AREL1: variants seen among roughly 807,000 people sequenced by gnomAD.
AREL1 encodes apoptosis resistant E3 ubiquitin protein ligase 1, also known as apoptosis-resistant E3 ubiquitin protein ligase 1.
A neutral mutation model predicts 99.0 loss-of-function variants in AREL1; 62 were observed. The observed-to-expected ratio is 0.63, with a 90% CI of 0.51 to 0.77. The LOEUF is 0.77. AREL1 is among the 30% of genes least tolerant of loss of function. AREL1 has a pLI of 0.00. For missense variants in AREL1, 879 were observed against 1,027.6 expected (o/e 0.86, Z 1.98); for synonymous variants, 380 against 376.5 (o/e 1.01, Z -0.11).
Position 74,663,227 on chromosome 14 carries a change from C to A in AREL1, c.*493G>T. 4.8e-6 allele frequency: 1 copy of A among 206,246 alleles called. No individual in the cohort carries two copies. The allele number at this position is 206,246 out of a possible 1,614,324, so 12.8% of individuals were successfully genotyped here. A position where few individuals can be genotyped will look rare whatever the true frequency, so the allele number is the denominator to read the frequency against. ...CCTATGGGCCACCTCCTATCTGTCCCCCTCTCTCCTGGCTCCTGATGAGAA... is the reference window on the plus strand; with the variant it reads ...CCTATGGGCCACCTCCTATCTGTCCACCTCTCTCCTGGCTCCTGATGAGAA... On this transcript the variant is annotated 3_prime_UTR_variant, in exon 20 of 20. Transcript: ENST00000356357.
intron 13 of AREL1, chr14:74,670,548 A>G: frequency 3.8e-6 from 2 of 532,910 alleles, no homozygotes; most frequent in Non-Finnish European, 6.7e-6. Context: ...TTTTTAGTCA[A>G]ATATTCAGCT....
rs149405811 is a variant in AREL1 at position 74,698,884 on chromosome 14, TGTG to T, written c.-333-6559_-333-6557del. On this transcript the variant is annotated intron_variant, in intron 1 of 19. Transcript: ENST00000356357. ...AAAAAAAAAAAAAAAAAAAGCTGGGTGTGGTGGTATGCACCTATGGTCCCAGCT... is the reference window on the plus strand; with the variant it reads ...AAAAAAAAAAAAAAAAAAAGCTGGGTGTGGTATGCACCTATGGTCCCAGCT... 2.6e-3 allele frequency: 399 copies of T among 153,432 alleles called. 6 individuals are homozygous for T. The East Asian group carries it at 0.055, about 21-fold the overall frequency. The allele number at this position is 153,432 out of a possible 1,614,324, so 9.5% of individuals were successfully genotyped here.
chr14:74,692,837 G>A (rs762935905), intron 1 of AREL1, among the ~76,000 whole-genome samples: 6 of 152,116 alleles, frequency 3.9e-5, no homozygotes, highest in Non-Finnish European at 5.9e-5. Flanking sequence ...CCAAGTAGCT[G>A]GGACTACAGG....
chr14:74,677,456 A>G (rs1305543774), intron 5 of AREL1, among the ~76,000 whole-genome samples: 1 of 146,238 alleles, frequency 6.8e-6, no homozygotes, highest in Non-Finnish European at 1.5e-5. Context: ...TGACCACACC[A>G]TTGCATTCTA....
intron 8 of AREL1, 98 bp downstream of exon 8, chr14:74,675,601 C>T (rs2089452410): frequency 3.4e-6 from 5 of 1,481,676 alleles, no homozygotes; most frequent in Non-Finnish European, 4.5e-6. Flanking sequence ...CAATCTTGCC[C>T]TGATTCTCAG....
intron 1 of AREL1, chr14:74,712,031 C>A (rs1451938167): frequency 2.9e-4 from 10 of 35,022 alleles, no homozygotes; most frequent in East Asian, 1.1e-3. Flanking sequence ...GAATGGAAGA[C>A]AAAGTGCAAA....
At chr14:74,701,573 G>A (rs566276730) in intron 1 of AREL1, 1 of 152,278 alleles carries the variant, frequency 6.6e-6, no homozygotes, top group Non-Finnish European at 1.5e-5. Flanking sequence ...TAACACATGA[G>A]AATTATGGGA....
chr14:74,685,882 T>C (rs1270448814), intron 2 of AREL1, among the ~76,000 whole-genome samples: 1 of 152,150 alleles, frequency 6.6e-6, no homozygotes, highest in Admixed American at 6.5e-5. Context: ...TACTGACCAC[T>C]CTAGGAATAC....
intron 2 of AREL1, among the ~76,000 whole-genome samples, chr14:74,689,102 C>T (rs1179025620): frequency 6.6e-6 from 1 of 152,008 alleles, no homozygotes; most frequent in African/African-American, 2.4e-5. Flanking sequence ...CCTGCCTTGG[C>T]TTCCCAAAGT....
chr14:74,695,800 G>C (rs2089970724), intron 1 of AREL1, among the ~76,000 whole-genome samples: 1 of 152,192 alleles, frequency 6.6e-6, no homozygotes, highest in African/African-American at 2.4e-5. Context: ...GTTCAGCCCT[G>C]CTATCTCAGA....
chr14:74,683,175 A>G (rs753949432), intron 5 of AREL1, 121 bp downstream of exon 5: 2 of 730,458 alleles, frequency 2.7e-6, no homozygotes, highest in Non-Finnish European at 4.4e-6. Context: ...CTTTAAAAGG[A>G]TGAATTTTAT....
At chr14:74,691,852 A>G (rs962641663) in intron 2 of AREL1, among the ~76,000 whole-genome samples, 189 bp downstream of exon 2, 1 of 152,198 alleles carries the variant, frequency 6.6e-6, no homozygotes, top group Non-Finnish European at 1.5e-5. Flanking sequence ...CCAGTTGTGA[A>G]AAAGTCATTT....
chr14:74,692,587 G>A (rs551921898), intron 1 of AREL1, among the ~76,000 whole-genome samples: 107 of 152,294 alleles, frequency 7.0e-4, no homozygotes, highest in African/African-American at 2.2e-3. Flanking sequence ...AGAAGTGCCA[G>A]AGCTTCCTTC....
chr14:74,693,575 G>A (rs779876162), intron 1 of AREL1, among the ~76,000 whole-genome samples: 7 of 152,174 alleles, frequency 4.6e-5, no homozygotes, highest in Non-Finnish European at 8.8e-5. Context: ...TAAACTCACA[G>A]ATACAATTAT....
rs1194126930 is a variant in AREL1, at chr14:74,685,414, T to C, written c.16+186A>G. Among the ~76,000 whole-genome samples the C allele has an allele frequency of 2.0e-5, 3 of 152,214 alleles. No individual in the cohort carries two copies. The East Asian group carries it at 5.8e-4, about 29-fold the overall frequency. On this transcript the variant is annotated intron_variant, in intron 3 of 19. Coordinates refer to ENST00000356357, the MANE Select transcript of AREL1 (RefSeq NM_001039479.2). ...ACTCCACAGTAAACAGTGTCTGGCA[T>C]TGACTATAATTGCTCAATAAACCCA... is the stretch of plus-strand genomic sequence containing the variant.
intron 1 of AREL1, among the ~76,000 whole-genome samples, chr14:74,697,206 T>G (rs2089993865): frequency 6.6e-6 from 1 of 151,802 alleles, no homozygotes; most frequent in Non-Finnish European, 1.5e-5. Flanking sequence ...AAAAGTCCAT[T>G]TCAAAATTTT....
intron 17 of AREL1, among the ~76,000 whole-genome samples, chr14:74,665,316 T>G (rs2089191516): frequency 6.6e-6 from 1 of 151,050 alleles, no homozygotes; most frequent in Non-Finnish European, 1.5e-5. Context: ...CTCGGCTCAC[T>G]GCAACCTCCA....
intron 1 of AREL1, chr14:74,712,038 CAAAAAAAAAAA>C (rs752599769): frequency 9.4e-3 from 270 of 28,658 alleles, no homozygotes; most frequent in Non-Finnish European, 0.013. Flanking sequence ...AGACAAAGTG[CAAAAAAAAAAA>C]AAAAAAAAAA....
chr14:74,685,761 C>A (rs964166062), intron 2 of AREL1, 101 bp from the exon 3 acceptor site: 14 of 971,724 alleles, frequency 1.4e-5, no homozygotes, highest in Non-Finnish European at 2.0e-5. Flanking sequence ...AAACAACTCT[C>A]TCTAGTCCAG....
Sources: gnomAD v4.1 joint callset for allele counts (sites outside exome capture counted in the v4.1 genomes callset) on GRCh38, gnomAD v4.1.1 for gene constraint, MANE v1.5 for transcripts, NCBI Gene and HGNC (gene_info 2026-07-23, HGNC 2026-07-21) for gene names.